CSMD2: variants seen among roughly 807,000 people sequenced by gnomAD.
CSMD2 encodes CUB and sushi domain-containing protein 2.
Under a neutral mutation model 398.5 loss-of-function variants are expected in CSMD2, and 130 were observed. The ratio of observed to expected loss-of-function variants is 0.33; its 90% CI spans 0.28 to 0.38. The LOEUF is 0.38. CSMD2 is among the 10% of genes least tolerant of loss of function. CSMD2 has a pLI of 1.00. For synonymous variants in CSMD2, 1,828 were observed against 1,908.5 expected, an observed-to-expected ratio of 0.96 and a Z score of 1.10; for missense variants, 3,829 against 4,764.9, an observed-to-expected ratio of 0.80 and a Z score of 5.78.
chr1:33,616,169 A>G (rs1641370993), intron 39 of CSMD2, among the ~76,000 whole-genome samples: 1 of 152,164 alleles, frequency 6.6e-6, no homozygotes, highest in Non-Finnish European at 1.5e-5. Context: ...CTGCCGTAGC[A>G]CAGGGTAAGG....
chr1:33,931,223 A>G (rs776343437), intron 4 of CSMD2, among the ~76,000 whole-genome samples: 7 of 152,208 alleles, frequency 4.6e-5, no homozygotes, highest in Non-Finnish European at 8.8e-5. Context: ...AGCTCTTGAG[A>G]GTTCTACACG....
At chr1:33,709,779 T>A (rs1256887446) in intron 21 of CSMD2, among the ~76,000 whole-genome samples, 1 of 152,150 alleles carries the variant, frequency 6.6e-6, no homozygotes, top group African/African-American at 2.4e-5. Flanking sequence ...CAGTCATTAG[T>A]CGCAACAGCC....
chr1:33,703,407 T>C (rs1470559261), intron 22 of CSMD2, among the ~76,000 whole-genome samples: 1 of 152,226 alleles, frequency 6.6e-6, no homozygotes, highest in Admixed American at 6.5e-5. Flanking sequence ...TATTTTTATA[T>C]TTTTGATTGC....
At chr1:34,106,835 C>T (rs537540241) in intron 1 of CSMD2, among the ~76,000 whole-genome samples, 1 of 152,358 alleles carries the variant, frequency 6.6e-6, no homozygotes, top group South Asian at 2.1e-4. Flanking sequence ...TGCCACTCAG[C>T]TTCCTAATTC....
Position 33,602,446 on chromosome 1 carries a change from G to A in CSMD2, c.6633C>T (p.Thr2211=), listed in dbSNP as rs764029855. The A allele has an allele frequency of 1.7e-5, 27 of 1,613,906 alleles. No homozygotes were observed. Among genetic ancestry groups the A allele is most frequent in the East Asian group, 8.9e-5 (4 of 44,894 alleles). Residue 2211 remains threonine, a synonymous_variant, in exon 43 of 71, where the codon ACC becomes ACT. Coordinates refer to ENST00000373381, the MANE Select transcript of CSMD2 (RefSeq NM_001281956.2). ...GGCGGACGCCATGGCCAATGGGCAC[G>A]GTGATCAGCCAGACACAGTCCTGGG... The part of the protein sequence containing the change: ...SSSQDCVWLI[T]VPIGHGVRLN...
intron 3 of CSMD2, among the ~76,000 whole-genome samples, chr1:33,954,270 C>T (rs1348771600): frequency 1.3e-5 from 2 of 152,060 alleles, no homozygotes; most frequent in African/African-American, 4.8e-5. Flanking sequence ...AAGTAACAAG[C>T]CTGGACTCAA....
intron 3 of CSMD2, among the ~76,000 whole-genome samples, chr1:33,964,754 G>A (rs1016519504): frequency 2.0e-5 from 3 of 152,154 alleles, no homozygotes; most frequent in African/African-American, 7.2e-5. Flanking sequence ...ATGGTTGAGG[G>A]GTAGGGCGCT....
intron 13 of CSMD2, among the ~76,000 whole-genome samples, chr1:33,768,149 C>G (rs1650762141): frequency 6.6e-6 from 1 of 152,264 alleles, no homozygotes; most frequent in East Asian, 1.9e-4. Context: ...CCATGCCTTC[C>G]CACTGTCATA....
chr1:34,056,022 A>G (rs1207222916), intron 2 of CSMD2, among the ~76,000 whole-genome samples: 2 of 152,196 alleles, frequency 1.3e-5, no homozygotes, highest in African/African-American at 2.4e-5. Flanking sequence ...AGGACAAGAG[A>G]CAAAGACCAA....
chr1:34,007,308 G>A (rs1447566545), intron 3 of CSMD2, among the ~76,000 whole-genome samples: 1 of 152,150 alleles, frequency 6.6e-6, no homozygotes. Flanking sequence ...TGGGAAGCAG[G>A]CCAGACCCTG....
At chr1:33,995,808 G>A (rs932471326) in intron 3 of CSMD2, among the ~76,000 whole-genome samples, 1 of 152,222 alleles carries the variant, frequency 6.6e-6, no homozygotes, top group East Asian at 1.9e-4. Context: ...GTCCAGTTGT[G>A]TTCATATTCA....
In CSMD2 at chr1:33,611,114, C is replaced by T. The variant is rs545062582; in HGVS notation, c.6270G>A (p.Thr2090=). The change falls in exon 41 of 71, where the codon ACG becomes ACA. Residue 2090 remains threonine (T), a synonymous_variant. Coordinates refer to ENST00000373381, the MANE Select transcript of CSMD2 (RefSeq NM_001281956.2). ...GSELPSSLLS[T]SHETTVYFHS... ...GGAAATACACGGTGGTCTCGTGGGA[C>T]GTGGAGAGGAGGGAGCTTGGAAGCT... 23 of 1,613,938 alleles carry T rather than the reference C, an allele frequency of 1.4e-5. No homozygotes were observed. Among genetic ancestry groups the T allele is most frequent in the African/African-American group, 4.0e-5 (3 of 74,966 alleles).
intron 12 of CSMD2, among the ~76,000 whole-genome samples, chr1:33,772,998 T>A (rs1354424855): frequency 6.6e-6 from 1 of 152,198 alleles, no homozygotes; most frequent in Non-Finnish European, 1.5e-5. Context: ...TGTGTCCACA[T>A]AAAGTGTTCT....
At chr1:33,925,939 C>G (rs568346381) in intron 4 of CSMD2, among the ~76,000 whole-genome samples, 2 of 152,214 alleles carry the variant, frequency 1.3e-5, no homozygotes, top group Admixed American at 6.5e-5. Flanking sequence ...CCTGACTGCC[C>G]CCTCGCCCTC....
At chr1:33,844,802 T>C (rs562412882) in intron 6 of CSMD2, among the ~76,000 whole-genome samples, 2 of 152,318 alleles carry the variant, frequency 1.3e-5, no homozygotes, top group Non-Finnish European at 2.9e-5. Flanking sequence ...TAGCAAGTCC[T>C]CTTTATACAC....
At chr1:33,674,645 C>T (rs1485684409) in intron 25 of CSMD2, among the ~76,000 whole-genome samples, 1 of 152,232 alleles carries the variant, frequency 6.6e-6, no homozygotes, top group African/African-American at 2.4e-5. Context: ...CCCAAATCAA[C>T]AGAATATACA....
intron 1 of CSMD2, among the ~76,000 whole-genome samples, chr1:34,124,543 A>T (rs1662542374): frequency 6.6e-6 from 1 of 152,022 alleles, no homozygotes. Flanking sequence ...GCACACTTTC[A>T]TGTTGCCTTG....
chr1:34,002,851 T>A (rs75927592), intron 3 of CSMD2, among the ~76,000 whole-genome samples: 1,811 of 151,946 alleles, frequency 0.012, 60 homozygotes, highest in East Asian at 0.11. Flanking sequence ...AAAAAAAAAA[T>A]TTAAAGTGGT....
chr1:34,098,799 A>G (rs1238813326), intron 1 of CSMD2, among the ~76,000 whole-genome samples: 1 of 152,208 alleles, frequency 6.6e-6, no homozygotes, highest in Non-Finnish European at 1.5e-5. Flanking sequence ...ATGGTAAAAA[A>G]ATAAAGTCAT....
Sources: allele counts gnomAD v4.1 joint callset (sites outside exome capture counted in the v4.1 genomes callset), GRCh38; gene constraint gnomAD v4.1.1; transcripts MANE v1.5; gene names NCBI Gene and HGNC (gene_info 2026-07-23, HGNC 2026-07-21).